Variants in CDC42BPA observed in about 807,000 individuals in gnomAD.
CDC42BPA encodes the protein CDC42 binding protein kinase alpha, also known as serine/threonine-protein kinase MRCK alpha.
Under a neutral mutation model 223.5 loss-of-function variants are expected in CDC42BPA, and 80 were observed. The observed-to-expected ratio is 0.36, with a 90% CI of 0.30 to 0.43. The LOEUF (loss-of-function observed/expected upper bound fraction) is 0.43. CDC42BPA is among the 20% of genes least tolerant of loss of function. The pLI is 1.00. For synonymous variants in CDC42BPA, 694 were observed against 718.6 expected, an observed-to-expected ratio of 0.97 and a Z score of 0.55; for missense variants, 1,743 against 2,099.9, an observed-to-expected ratio of 0.83 and a Z score of 3.32.
At chr1:227,145,434 T>TG in intron 8 of CDC42BPA, 55 bp downstream of exon 8, 1 of 1,497,874 alleles carries the variant, frequency 6.7e-7, no homozygotes, top group Non-Finnish European at 9.1e-7. Flanking sequence ...AATTACTATA[T>TG]AACCATAGTA....
chr1:227,188,049 A>C (rs1016704696), intron 5 of CDC42BPA, among the ~76,000 whole-genome samples: 5 of 152,168 alleles, frequency 3.3e-5, no homozygotes, highest in Admixed American at 1.3e-4. Context: ...TACAAATCAG[A>C]AACAGAACTA....
At chr1:227,089,229 C>T (rs1330048203) in intron 16 of CDC42BPA, among the ~76,000 whole-genome samples, 1 of 152,184 alleles carries the variant, frequency 6.6e-6, no homozygotes, top group African/African-American at 2.4e-5. Context: ...CAGTTCTCTT[C>T]AAGCTGGTTC....
chr1:227,203,779 A>G (rs1053793930), intron 3 of CDC42BPA, among the ~76,000 whole-genome samples: 2 of 152,164 alleles, frequency 1.3e-5, no homozygotes, highest in African/African-American at 4.8e-5. Context: ...TTCAGTCTAT[A>G]TTATTTAAAT....
At chr1:227,147,632 C>T (rs1248821519) in intron 6 of CDC42BPA, 73 bp from the exon 7 acceptor site, 2 of 735,220 alleles carry the variant, frequency 2.7e-6, no homozygotes, top group African/African-American at 1.8e-5. Flanking sequence ...TTAAGATACA[C>T]AATAGACATT....
At chr1:227,291,533 A>AGT (rs1689696434) in intron 1 of CDC42BPA, among the ~76,000 whole-genome samples, 1 of 152,036 alleles carries the variant, frequency 6.6e-6, no homozygotes, top group Non-Finnish European at 1.5e-5. Flanking sequence ...TGGGTGACAG[A>AGT]GTGAGACTCT....
At position 227,051,920 on chromosome 1, in the gene CDC42BPA, G is replaced by A. The variant is rs759917897; in HGVS notation, c.2970C>T (p.Ser990=). 11 of 1,366,300 alleles carry A rather than the reference G, an allele frequency of 8.1e-6. No homozygotes were observed. The highest frequency in any genetic ancestry group is 7.6e-5 in the Admixed American group (4 of 52,544). 84.6% of individuals were successfully genotyped at this position (1,366,300 alleles called of 1,614,324 possible). A position where few individuals can be genotyped will look rare whatever the true frequency, so the allele number is the denominator to read the frequency against. Residue 990 remains serine (S), a synonymous_variant, in exon 22 of 37, where the codon TCC becomes TCT. Transcript: ENST00000366766. The stretch of plus-strand genomic sequence containing the variant: ...CTTCACTAGATGTGGAAGGAGATGT[G>A]GACCGTGACTGGATGTGAAACTTGA... ...PSVKFHIQSR[S]TSPSTSSEAE...
At chr1:227,106,045 T>C (rs1685867591) in intron 14 of CDC42BPA, among the ~76,000 whole-genome samples, 1 of 152,184 alleles carries the variant, frequency 6.6e-6, no homozygotes. Context: ...CATTATTTTA[T>C]ACTTTCTTTA....
intron 1 of CDC42BPA, among the ~76,000 whole-genome samples, chr1:227,295,051 A>C (rs1185235482): frequency 2.6e-5 from 4 of 152,096 alleles, no homozygotes; most frequent in African/African-American, 7.2e-5. Flanking sequence ...ACAGCAGTGA[A>C]AATTTTTTTC....
chr1:227,184,062 G>T (rs1668373744), intron 5 of CDC42BPA, among the ~76,000 whole-genome samples: 1 of 151,994 alleles, frequency 6.6e-6, no homozygotes, highest in African/African-American at 2.4e-5. Context: ...CTTTTTAATT[G>T]TATTTTGAGA....
At chr1:227,228,646 C>G (rs1677279798) in intron 2 of CDC42BPA, among the ~76,000 whole-genome samples, 1 of 150,384 alleles carries the variant, frequency 6.6e-6, no homozygotes. Context: ...TACATTCTAC[C>G]AGCAATGCAT....
In CDC42BPA at chr1:227,044,924, AG is replaced by A. The variant is rs536816535; in HGVS notation, c.3093+3002del. On this transcript the variant is annotated intron_variant, in intron 23 of 36. Transcript: ENST00000366766. ...CTGTATCTCTATCACTAAATCTTCC[AG>A]ACTCTTCTAAGGAACTGTAAAATCC... Among the ~76,000 whole-genome samples the A allele has an allele frequency of 1.0e-3, 158 of 152,214 alleles. 1 individual carries two copies. The highest frequency in any genetic ancestry group is 3.6e-3 in the African/African-American group (150 of 41,520).
chr1:227,274,471 G>A (rs1686590253), intron 1 of CDC42BPA, among the ~76,000 whole-genome samples: 1 of 151,958 alleles, frequency 6.6e-6, no homozygotes, highest in Non-Finnish European at 1.5e-5. Context: ...ACAACTAGAG[G>A]GGAAAATTAA....
chr1:227,168,867 T>C (rs1665614624), intron 5 of CDC42BPA, among the ~76,000 whole-genome samples: 1 of 152,122 alleles, frequency 6.6e-6, no homozygotes, highest in South Asian at 2.1e-4. Flanking sequence ...CATTATTTCT[T>C]CAGGTATTTT....
chr1:227,317,866 T>C lies in CDC42BPA; in HGVS notation c.-684A>G. ...TTTCTCCTCCCGAGGTCCTTCTTTC[T>C]TTAAGGCTTTGCAGTCAGTCCTATT... On this transcript the variant is annotated 5_prime_UTR_variant, in exon 1 of 37. Coordinates refer to ENST00000366766, the MANE Select transcript of CDC42BPA (RefSeq NM_001394014.1). 1 of 398,718 alleles carries C rather than the reference T, an allele frequency of 2.5e-6. No individual in the cohort carries two copies. 24.7% of individuals were successfully genotyped at this position (398,718 alleles called of 1,614,324 possible).
chr1:227,243,753 T>C (rs1428347211), intron 2 of CDC42BPA, among the ~76,000 whole-genome samples: 1 of 118,072 alleles, frequency 8.5e-6, no homozygotes, highest in Non-Finnish European at 1.8e-5. Flanking sequence ...CGGAAAAGAT[T>C]TGTCACACAC....
At chr1:227,316,861 G>C (rs1434814654) in intron 1 of CDC42BPA, 144 bp downstream of exon 1, 5 of 650,482 alleles carry the variant, frequency 7.7e-6, no homozygotes, top group African/African-American at 3.7e-5. Context: ...CCAAAAACTA[G>C]CGGAAAATCT....
chr1:227,266,964 TAC>T (rs1200642928), intron 1 of CDC42BPA, among the ~76,000 whole-genome samples: 3 of 152,176 alleles, frequency 2.0e-5, no homozygotes, highest in African/African-American at 7.2e-5. Context: ...TCATCTAGCA[TAC>T]AGTCTTTAGC....
At chr1:226,995,924 TAAC>T (rs1190657848) in intron 35 of CDC42BPA, among the ~76,000 whole-genome samples, 1 of 152,234 alleles carries the variant, frequency 6.6e-6, no homozygotes, top group African/African-American at 2.4e-5. Flanking sequence ...TTTGCGGGTT[TAAC>T]ATGTCTCAAT....
Position 227,316,897 on chromosome 1 carries a change from T to A in CDC42BPA, c.178+108A>T, listed in dbSNP as rs531478922. On this transcript the variant is annotated intron_variant, in intron 1 of 36. Transcript: ENST00000366766. ...TGAATAACTAGTGTCTGTTTTTTTA[T>A]TGTATTTTTTCTTTGAACGGAGTAG... is the stretch of plus-strand genomic sequence containing the variant. 11 of 791,160 alleles carry A rather than the reference T, an allele frequency of 1.4e-5. No individual in the cohort carries two copies. In the East Asian group the frequency reaches 2.8e-4, roughly 20 times the overall value. The allele number at this position is 791,160 out of a possible 1,614,324, so 49.0% of individuals were successfully genotyped here.
Sources: gnomAD v4.1 joint callset for allele counts (sites outside exome capture counted in the v4.1 genomes callset) on GRCh38, gnomAD v4.1.1 for gene constraint, MANE v1.5 for transcripts, NCBI Gene and HGNC (gene_info 2026-07-23, HGNC 2026-07-21) for gene names.